The following GOLPH3 variants were observed in gnomAD, a reference collection of about 807,000 sequenced individuals.
The protein encoded by GOLPH3 is golgi phosphoprotein 3.
A neutral mutation model predicts 28.5 loss-of-function variants in GOLPH3; 14 were observed. The ratio of observed to expected loss-of-function variants is 0.49; its 90% CI spans 0.32 to 0.77. GOLPH3 has a LOEUF of 0.77. GOLPH3 is among the 30% of genes least tolerant of loss of function. The pLI is 0.03. For missense variants in GOLPH3, 350 were observed against 393.7 expected (o/e 0.89, Z 0.94); for synonymous variants, 158 against 159.2 (o/e 0.99, Z 0.06).
chr5:32,136,532 G>C (rs1745936107), intron 2 of GOLPH3, among the ~76,000 whole-genome samples: 1 of 151,188 alleles, frequency 6.6e-6, no homozygotes, highest in Admixed American at 6.6e-5. Context: ...CAACATACTA[G>C]GACAGTTTAT....
At chr5:32,141,356 A>C (rs283131) in intron 2 of GOLPH3, among the ~76,000 whole-genome samples, 26,734 of 152,042 alleles carry the variant, frequency 0.18, 5,263 homozygotes, top group African/African-American at 0.49. Flanking sequence ...GAAAAACAGT[A>C]TTAAATATTT....
intron 2 of GOLPH3, among the ~76,000 whole-genome samples, chr5:32,136,867 G>A (rs1177583675): frequency 6.6e-6 from 1 of 152,156 alleles, no homozygotes; most frequent in East Asian, 1.9e-4. Context: ...TATTATAAAG[G>A]TGGTATTTCA....
chr5:32,128,380 A>G (rs1206186314), intron 3 of GOLPH3, among the ~76,000 whole-genome samples: 3 of 152,220 alleles, frequency 2.0e-5, no homozygotes, highest in Non-Finnish European at 4.4e-5. Context: ...AAAAGCGGCC[A>G]GGCGCGGTGG....
At chr5:32,141,777 T>A (rs1356674251) in intron 2 of GOLPH3, among the ~76,000 whole-genome samples, 1 of 152,100 alleles carries the variant, frequency 6.6e-6, no homozygotes, top group African/African-American at 2.4e-5. Context: ...GGTTTTCGTA[T>A]TTTTTTGGTG....
Position 32,126,620 on chromosome 5 carries a change from T to C in GOLPH3, c.489A>G (p.Pro163=). 6.2e-7 allele frequency: 1 copy of C among 1,612,656 alleles called. No homozygotes were observed. Among genetic ancestry groups the C allele is most frequent in the African/African-American group, 1.3e-5 (1 of 74,920 alleles). The change falls in exon 4 of 4, where the codon CCA becomes CCG. Residue 163 remains proline (P), a synonymous_variant. Transcript: ENST00000265070. ...TTCTTAACTGATAATGCAATTTTAATGGATTCCATGTCTCACCTAAACAAA... is the reference window on the plus strand; with the variant it reads ...TTCTTAACTGATAATGCAATTTTAACGGATTCCATGTCTCACCTAAACAAA... The part of the protein sequence containing the change: ...IELLSGETWN[P]LKLHYQLRNV...
chr5:32,161,426 G>GAA (rs1248288982), intron 1 of GOLPH3, among the ~76,000 whole-genome samples: 16 of 79,622 alleles, frequency 2.0e-4, no homozygotes, highest in Non-Finnish European at 3.4e-4. Flanking sequence ...CAAAGCTGAG[G>GAA]AAAAAAAAAA....
At chr5:32,164,261 C>T (rs1438659840) in intron 1 of GOLPH3, among the ~76,000 whole-genome samples, 1 of 152,188 alleles carries the variant, frequency 6.6e-6, no homozygotes, top group Non-Finnish European at 1.5e-5. Flanking sequence ...CCCTTTATTT[C>T]ATCACTGTTC....
chr5:32,159,941 C>T (rs1258607577), intron 1 of GOLPH3, among the ~76,000 whole-genome samples: 1 of 152,194 alleles, frequency 6.6e-6, no homozygotes. Flanking sequence ...GACATTTTGA[C>T]AAGTCCTATG....
chr5:32,155,386 A>T (rs147696997), intron 1 of GOLPH3, among the ~76,000 whole-genome samples: 2 of 152,126 alleles, frequency 1.3e-5, no homozygotes, highest in East Asian at 3.9e-4. Context: ...GGATCTCACT[A>T]CGTTGTCCAG....
intron 1 of GOLPH3, among the ~76,000 whole-genome samples, chr5:32,160,057 C>CTTTA (rs764560365): frequency 1.1e-4 from 16 of 152,092 alleles, no homozygotes; most frequent in Non-Finnish European, 1.6e-4. Context: ...CATAATGCTG[C>CTTTA]ATAAAGCAAA....
Position 32,173,956 on chromosome 5 carries a change from G to A in GOLPH3, c.79C>T (p.Arg27Trp). Reference protein sequence around the residue: ...EASRNAADKERAAGGGAGSSE... With the variant: ...EASRNAADKEWAAGGGAGSSE... ...CTGCCGGCGCCGCCGCCCGCCGCCCGCTCCTTGTCGGCGGCGTTGCGGGAG... is the reference window on the plus strand; with the variant it reads ...CTGCCGGCGCCGCCGCCCGCCGCCCACTCCTTGTCGGCGGCGTTGCGGGAG... The change falls in exon 1 of 4, where the codon CGG becomes TGG. Residue 27 changes from arginine (R) to tryptophan (W), a missense_variant. Transcript: ENST00000265070. 1.4e-6 allele frequency: 2 copies of A among 1,440,488 alleles called. No homozygotes were observed. The highest frequency in any genetic ancestry group is 1.5e-5 in the African/African-American group (1 of 67,630). 89.2% of individuals were successfully genotyped at this position (1,440,488 alleles called of 1,614,324 possible).
At chr5:32,137,265 G>T (rs951905756) in intron 2 of GOLPH3, among the ~76,000 whole-genome samples, 2 of 151,788 alleles carry the variant, frequency 1.3e-5, no homozygotes, top group East Asian at 3.9e-4. Flanking sequence ...GGCCCTGAAA[G>T]GTTTCTTTTA....
chr5:32,162,322 C>G (rs1052620704), intron 1 of GOLPH3, among the ~76,000 whole-genome samples: 1 of 150,702 alleles, frequency 6.6e-6, no homozygotes, highest in African/African-American at 2.5e-5. Flanking sequence ...GAAACCCCGT[C>G]TCAACTAAAA....
chr5:32,171,489 GT>G lies in GOLPH3; in HGVS notation c.225+2320del, dbSNP rs757528581. Among the ~76,000 whole-genome samples, 262 of 143,502 alleles carry G rather than the reference GT, an allele frequency of 1.8e-3. 2 individuals carry two copies. The highest frequency in any genetic ancestry group is 5.5e-3 in the South Asian group (25 of 4,506). 94.1% of individuals were successfully genotyped at this position (143,502 alleles called of 152,430 possible). ...CAGAACACCAAAAGCTTATTTTTTA[GT>G]TTTTTTTTTTTCAGGTTTTTGTTTT... On this transcript the variant is annotated intron_variant, in intron 1 of 3. Coordinates refer to ENST00000265070, the MANE Select transcript of GOLPH3 (RefSeq NM_022130.4).
At chr5:32,137,748 G>A (rs1745967600) in intron 2 of GOLPH3, among the ~76,000 whole-genome samples, 1 of 152,178 alleles carries the variant, frequency 6.6e-6, no homozygotes, top group Non-Finnish European at 1.5e-5. Flanking sequence ...TTACACCGCT[G>A]TAGACAAGTA....
chr5:32,158,132 T>TAAATAAATAAAATAC (rs1308648161), intron 1 of GOLPH3, among the ~76,000 whole-genome samples: 3 of 33,684 alleles, frequency 8.9e-5, no homozygotes, highest in African/African-American at 3.6e-4. Flanking sequence ...ATAAATAAAA[T>TAAATAAATAAAATAC]ACACACACAC....
Position 32,174,041 on chromosome 5 carries a change from C to T in GOLPH3, c.-7G>A. 7.8e-7 allele frequency: 1 copy of T among 1,273,930 alleles called. No homozygotes were observed. Among genetic ancestry groups the T allele is most frequent in the Non-Finnish European group, 9.8e-7 (1 of 1,015,770 alleles). 78.9% of individuals were successfully genotyped at this position (1,273,930 alleles called of 1,614,324 possible). A position where few individuals can be genotyped will look rare whatever the true frequency, so the allele number is the denominator to read the frequency against. ...GCTGGGTCAGCGAGGTCATGGCTCC[C>T]GCCGAGGCGCCGAGCCGGGCCGAGA... On this transcript the variant is annotated 5_prime_UTR_variant, in exon 1 of 4. Transcript: ENST00000265070.
rs1173822153 is a variant in GOLPH3, at chr5:32,125,661, T to C, written c.*551A>G. 1 of 152,756 alleles carries C rather than the reference T, an allele frequency of 6.5e-6. No individual in the cohort carries two copies. Among genetic ancestry groups the C allele is most frequent in the Non-Finnish European group, 1.5e-5 (1 of 68,132 alleles). The allele number at this position is 152,756 out of a possible 1,614,324, so 9.5% of individuals were successfully genotyped here. On this transcript the variant is annotated 3_prime_UTR_variant, in exon 4 of 4. Coordinates refer to ENST00000265070, the MANE Select transcript of GOLPH3 (RefSeq NM_022130.4). ...AGTGTAATAATACAATAGATTTACA[T>C]GGGAAGCAAAATCCAAGGGACATTT...
At chr5:32,167,651 G>C (rs1037377918) in intron 1 of GOLPH3, among the ~76,000 whole-genome samples, 3 of 152,000 alleles carry the variant, frequency 2.0e-5, no homozygotes, top group Admixed American at 6.6e-5. Context: ...AAATCTTGTT[G>C]AAAAGGTATA....
Sources: gnomAD v4.1 joint callset for allele counts (sites outside exome capture counted in the v4.1 genomes callset) on GRCh38, gnomAD v4.1.1 for gene constraint, MANE v1.5 for transcripts, NCBI Gene and HGNC (gene_info 2026-07-23, HGNC 2026-07-21) for gene names.